NAV3: variants seen among roughly 807,000 people sequenced by gnomAD.
The protein encoded by NAV3 is pore membrane and/or filament interacting like protein 1.
A neutral mutation model predicts 244.7 loss-of-function variants in NAV3; 87 were observed. The observed-to-expected ratio is 0.36, with a 90% CI of 0.30 to 0.42. The LOEUF (loss-of-function observed/expected upper bound fraction) is 0.42. Among genes scored for constraint, NAV3 ranks in the 20% least tolerant of loss-of-function variants. The pLI is 1.00. For missense variants in NAV3, 2,663 were observed against 2,893.3 expected (o/e 0.92, Z 1.83); for synonymous variants, 1,126 against 1,042.2 (o/e 1.08, Z -1.55).
intron 9 of NAV3, among the ~76,000 whole-genome samples, chr12:78,043,789 C>A (rs1359727764): frequency 5.3e-5 from 8 of 152,068 alleles, no homozygotes; most frequent in African/African-American, 1.9e-4. Context: ...TTGTTTTTTT[C>A]TTGTAAATTT....
chr12:78,063,780 G>A (rs1884624130), intron 12 of NAV3, among the ~76,000 whole-genome samples: 2 of 152,082 alleles, frequency 1.3e-5, no homozygotes, highest in African/African-American at 4.8e-5. Flanking sequence ...AAATCAGAAG[G>A]AATGTGGGGA....
At position 78,090,860 on chromosome 12, in the gene NAV3, A is replaced by C. The variant is rs114574610; in HGVS notation, c.2637-25912A>C. Among the ~76,000 whole-genome samples, 613 of 151,998 alleles carry C rather than the reference A, an allele frequency of 4.0e-3. 5 individuals carry two copies. Among genetic ancestry groups the C allele is most frequent in the African/African-American group, 0.014 (560 of 41,442 alleles). ...AATTCCGTAACAGTCTTTTCATGGG[A>C]TCTATTTTTTCACTTTCAAACTCTT... On this transcript the variant is annotated intron_variant, in intron 12 of 39. Transcript: ENST00000397909.
chr12:77,782,391 T>G (rs563751015), intron 2 of NAV3, among the ~76,000 whole-genome samples: 1 of 152,010 alleles, frequency 6.6e-6, no homozygotes, highest in South Asian at 2.1e-4. Flanking sequence ...CTTCCATTTC[T>G]TTTAAAAAAT....
chr12:77,622,927 G>A (rs140945691), intron 2 of NAV3, among the ~76,000 whole-genome samples: 76 of 152,290 alleles, frequency 5.0e-4, no homozygotes, highest in Middle Eastern at 3.4e-3. Flanking sequence ...TGCATAAAAT[G>A]CATATTTGTA....
At chr12:78,146,995 A>G (rs566746168) in intron 21 of NAV3, among the ~76,000 whole-genome samples, 3 of 152,166 alleles carry the variant, frequency 2.0e-5, no homozygotes, top group African/African-American at 7.2e-5. Context: ...GAGCAGGAGG[A>G]CTTTAATTAT....
At chr12:77,662,492 C>T (rs1171616990) in intron 2 of NAV3, among the ~76,000 whole-genome samples, 2 of 150,060 alleles carry the variant, frequency 1.3e-5, no homozygotes. Context: ...TTTGTAAATC[C>T]CATAGGACTA....
intron 8 of NAV3, 132 bp from the exon 9 acceptor site, chr12:78,021,615 A>G: frequency 1.7e-6 from 1 of 591,216 alleles, no homozygotes. Context: ...ACAGCTCTGG[A>G]ACATTCCAGT....
intron 12 of NAV3, among the ~76,000 whole-genome samples, chr12:78,095,002 A>G (rs1593556224): frequency 6.6e-6 from 1 of 150,706 alleles, no homozygotes. Context: ...AGCCGAGATC[A>G]TGCCAGTGCA....
rs76937535 is a variant in NAV3 at position 77,866,904 on chromosome 12, A to C, written c.243+35200A>C. Among the ~76,000 whole-genome samples the C allele has an allele frequency of 6.8e-3, 1,030 of 152,316 alleles. 14 individuals carry two copies. Among genetic ancestry groups the C allele is most frequent in the African/African-American group, 0.024 (985 of 41,552 alleles). ...CTTACATATACTTACTTTCATCTTT[A>C]ATGTAATTAGATTCAGGCTTGTAGA... On this transcript the variant is annotated intron_variant, in intron 1 of 39. Coordinates refer to ENST00000397909, the MANE Select transcript of NAV3 (RefSeq NM_001024383.2).
chr12:77,844,757 G>A (rs1356757746), intron 1 of NAV3, among the ~76,000 whole-genome samples: 1 of 152,068 alleles, frequency 6.6e-6, no homozygotes, highest in African/African-American at 2.4e-5. Flanking sequence ...TATTCATCCT[G>A]TAGTCTAAAT....
At chr12:77,836,843 A>G (rs1874731269) in intron 1 of NAV3, among the ~76,000 whole-genome samples, 1 of 152,170 alleles carries the variant, frequency 6.6e-6, no homozygotes, top group South Asian at 2.1e-4. Context: ...AAATTTATTC[A>G]AAGAGTAGAG....
chr12:77,904,539 T>A (rs535808733), intron 1 of NAV3, among the ~76,000 whole-genome samples: 1 of 152,300 alleles, frequency 6.6e-6, no homozygotes, highest in Non-Finnish European at 1.5e-5. Flanking sequence ...ATATACCTAA[T>A]GCTAAATGAC....
chr12:78,187,889 CT>C (rs1348478396), intron 31 of NAV3, among the ~76,000 whole-genome samples: 7 of 151,898 alleles, frequency 4.6e-5, no homozygotes, highest in African/African-American at 1.4e-4. Context: ...TACCAAGCTG[CT>C]TCTCTTTAAG....
At chr12:77,650,309 T>A (rs1166546123) in intron 2 of NAV3, among the ~76,000 whole-genome samples, 1 of 152,080 alleles carries the variant, frequency 6.6e-6, no homozygotes, top group East Asian at 1.9e-4. Context: ...AAGTTAACCC[T>A]CTACTGTGGA....
chr12:77,945,882 G>C (rs1009953226), intron 3 of NAV3, among the ~76,000 whole-genome samples: 3 of 151,432 alleles, frequency 2.0e-5, no homozygotes, highest in Non-Finnish European at 4.4e-5. Flanking sequence ...CTGAGTAGCT[G>C]GGATTACAGG....
intron 3 of NAV3, among the ~76,000 whole-genome samples, chr12:77,953,674 G>A (rs138263016): frequency 2.0e-5 from 3 of 152,106 alleles, no homozygotes; most frequent in Non-Finnish European, 2.9e-5. Context: ...CCCGCAAGGC[G>A]TTCCTTTGCA....
chr12:78,043,095 C>T (rs930474228), intron 9 of NAV3, among the ~76,000 whole-genome samples: 2 of 152,112 alleles, frequency 1.3e-5, no homozygotes, highest in Admixed American at 1.3e-4. Flanking sequence ...TCCCCCCACC[C>T]ACCAACAGGC....
At chr12:77,845,596 T>C (rs1281334356) in intron 1 of NAV3, among the ~76,000 whole-genome samples, 1 of 152,068 alleles carries the variant, frequency 6.6e-6, no homozygotes, top group Non-Finnish European at 1.5e-5. Context: ...ATTAGTGATA[T>C]CTTTTAGAGG....
At chr12:78,159,950 T>G (rs2139406906) in intron 23 of NAV3, among the ~76,000 whole-genome samples, 1 of 152,174 alleles carries the variant, frequency 6.6e-6, no homozygotes, top group Middle Eastern at 3.4e-3. Flanking sequence ...CACAAATACA[T>G]GGTCACTAAA....
Sources: gnomAD v4.1 joint callset for allele counts (sites outside exome capture counted in the v4.1 genomes callset) on GRCh38, gnomAD v4.1.1 for gene constraint, MANE v1.5 for transcripts, NCBI Gene and HGNC (gene_info 2026-07-23, HGNC 2026-07-21) for gene names.